PRKN: variants seen among roughly 807,000 people sequenced by gnomAD.
PRKN encodes the protein E3 ubiquitin-protein ligase parkin.
PRKN carries 56 observed loss-of-function variants against 59.5 expected under a neutral mutation model. That is an observed-to-expected ratio of 0.94 (90% CI 0.76 to 1.18). The LOEUF (loss-of-function observed/expected upper bound fraction) is 1.18. Ranked by LOEUF, PRKN falls within the 50% of genes most tolerant of loss-of-function variation. The pLI is 0.00. For missense variants in PRKN, 657 were observed against 596.4 expected, an observed-to-expected ratio of 1.10 and a Z score of -1.06; for synonymous variants, 250 against 222.1, an observed-to-expected ratio of 1.13 and a Z score of -1.12.
chr6:162,379,781 C>A (rs1355876560), intron 2 of PRKN, among the ~76,000 whole-genome samples: 1 of 152,106 alleles, frequency 6.6e-6, no homozygotes, highest in East Asian at 1.9e-4. Context: ...GATTTTAAGG[C>A]ACTTTAAAAA....
chr6:162,384,689 C>T (rs1227561226), intron 2 of PRKN, among the ~76,000 whole-genome samples: 5 of 148,548 alleles, frequency 3.4e-5, no homozygotes, highest in African/African-American at 1.2e-4. Flanking sequence ...TCATTATCTG[C>T]AAAGCATGCT....
chr6:161,389,823 T>G (rs1363668356), intron 9 of PRKN, among the ~76,000 whole-genome samples: 1 of 152,174 alleles, frequency 6.6e-6, no homozygotes, highest in Non-Finnish European at 1.5e-5. Flanking sequence ...TAAAATCAGT[T>G]TCATGGTAGA....
intron 2 of PRKN, among the ~76,000 whole-genome samples, chr6:162,380,418 CATATAT>C (rs1379826799): frequency 5.4e-5 from 7 of 128,632 alleles, no homozygotes; most frequent in African/African-American, 1.5e-4. Context: ...TATATACACA[CATATAT>C]ATATGTGTGT....
intron 1 of PRKN, among the ~76,000 whole-genome samples, chr6:162,677,436 A>G (rs1435633962): frequency 1.4e-5 from 2 of 139,262 alleles, no homozygotes; most frequent in Non-Finnish European, 3.0e-5. Flanking sequence ...CTCTATATCC[A>G]TTAGTCCCCA....
chr6:161,421,965 GAAC>G (rs948709350), intron 9 of PRKN, among the ~76,000 whole-genome samples: 2 of 152,014 alleles, frequency 1.3e-5, no homozygotes, highest in Non-Finnish European at 2.9e-5. Context: ...TGATAGAAAA[GAAC>G]AACTGAAGTT....
At position 161,373,762 on chromosome 6, in the gene PRKN, A is replaced by C. The variant is rs1040027254; in HGVS notation, c.1167+13032T>G. Among the ~76,000 whole-genome samples, 2 of 152,126 alleles carry C rather than the reference A, an allele frequency of 1.3e-5. No homozygotes were observed. The highest frequency in any genetic ancestry group is 2.9e-5 in the Non-Finnish European group (2 of 68,030). On this transcript the variant is annotated intron_variant, in intron 10 of 11. Coordinates refer to ENST00000366898, the MANE Select transcript of PRKN (RefSeq NM_004562.3). The surrounding 1 kb of genome is among the most constrained non-coding windows in gnomAD (Gnocchi z 4.8). ...ACCGTTTTCCTCACACATGGTCAACATGCTTTTCTGTGGAGTGACAATATT... is the reference window on the plus strand; with the variant it reads ...ACCGTTTTCCTCACACATGGTCAACCTGCTTTTCTGTGGAGTGACAATATT...
chr6:162,233,150 G>A (rs1200533513), intron 3 of PRKN, among the ~76,000 whole-genome samples: 1 of 152,114 alleles, frequency 6.6e-6, no homozygotes, highest in Non-Finnish European at 1.5e-5. Flanking sequence ...ACTGCAAAAA[G>A]AGGCACATCT....
intron 6 of PRKN, among the ~76,000 whole-genome samples, chr6:161,851,716 C>T (rs1793442341): frequency 6.7e-6 from 1 of 149,466 alleles, no homozygotes; most frequent in Non-Finnish European, 1.5e-5. Flanking sequence ...GAACTCCTGA[C>T]CTCAGGTGAT....
At chr6:161,892,397 C>T (rs9347554) in intron 6 of PRKN, among the ~76,000 whole-genome samples, 36,125 of 149,196 alleles carry the variant, frequency 0.24, 5,151 homozygotes, top group East Asian at 0.42. Context: ...TAGACTCCAC[C>T]TCAACCAAAA....
intron 7 of PRKN, among the ~76,000 whole-genome samples, chr6:161,661,711 T>A (rs930798060): frequency 1.3e-5 from 2 of 152,210 alleles, no homozygotes; most frequent in Non-Finnish European, 2.9e-5. Flanking sequence ...GCCTGAAAGA[T>A]ACGTATTGAA....
At chr6:161,606,369 G>T (rs533939562) in intron 7 of PRKN, among the ~76,000 whole-genome samples, 1 of 152,286 alleles carries the variant, frequency 6.6e-6, no homozygotes, top group African/African-American at 2.4e-5. Context: ...GTAAAAGAAG[G>T]AGTCTGGGAT....
intron 4 of PRKN, among the ~76,000 whole-genome samples, chr6:162,105,057 T>C (rs1414690507): frequency 1.3e-5 from 2 of 152,160 alleles, no homozygotes; most frequent in African/African-American, 4.8e-5. Context: ...AAAATCATAG[T>C]GAAGTGAGAA....
intron 2 of PRKN, among the ~76,000 whole-genome samples, chr6:162,335,557 T>A (rs1367359349): frequency 6.6e-6 from 1 of 152,340 alleles, no homozygotes; most frequent in African/African-American, 2.4e-5. Flanking sequence ...ATATACCTTT[T>A]GTTAAATCAC....
chr6:162,231,120 C>T (rs1778404372), intron 3 of PRKN, among the ~76,000 whole-genome samples: 1 of 152,152 alleles, frequency 6.6e-6, no homozygotes, highest in Non-Finnish European at 1.5e-5. Context: ...CCCTCTCTCT[C>T]TCCTTTTCCT....
At chr6:162,294,154 C>T (rs77146432) in intron 2 of PRKN, among the ~76,000 whole-genome samples, 10,947 of 152,000 alleles carry the variant, frequency 0.072, 1,041 homozygotes, top group East Asian at 0.49. Flanking sequence ...AGGTTTCCAG[C>T]GGTGCAAATG....
chr6:162,027,204 A>G (rs532001992), intron 5 of PRKN, among the ~76,000 whole-genome samples: 11 of 152,184 alleles, frequency 7.2e-5, no homozygotes, highest in Non-Finnish European at 1.5e-4. Flanking sequence ...TATATCAAGA[A>G]ATTGACTGTA....
At position 161,844,601 on chromosome 6, in the gene PRKN, T is replaced by G. The variant is rs541305618; in HGVS notation, c.735-58693A>C. ...TTGTTTTATTGAATTTTAATTAATT[T>G]TTAAGGCTAATTTAAAGAGCTACAT... On this transcript the variant is annotated intron_variant, in intron 6 of 11. Transcript: ENST00000366898. Among the ~76,000 whole-genome samples the G allele has an allele frequency of 3.9e-5, 6 of 152,356 alleles. 1 individual carries two copies. In the South Asian group the frequency reaches 1.0e-3, roughly 26 times the overall value.
chr6:162,215,721 G>A (rs1777617642), intron 3 of PRKN, among the ~76,000 whole-genome samples: 1 of 152,016 alleles, frequency 6.6e-6, no homozygotes, highest in African/African-American at 2.4e-5. Context: ...CTTTTGATGG[G>A]CATCACTGAA....
intron 1 of PRKN, among the ~76,000 whole-genome samples, chr6:162,548,819 T>G (rs1473135137): frequency 1.3e-5 from 2 of 152,138 alleles, no homozygotes; most frequent in Non-Finnish European, 2.9e-5. Flanking sequence ...TCAAGTTAAA[T>G]AACTTGACAT....
Sources: gnomAD v4.1 joint callset for allele counts (sites outside exome capture counted in the v4.1 genomes callset) on GRCh38, gnomAD v4.1.1 for gene constraint, Gnocchi (gnomAD v3.1) non-coding constraint, MANE v1.5 for transcripts, NCBI Gene and HGNC (gene_info 2026-07-23, HGNC 2026-07-21) for gene names.